Variants in PTPRS observed in about 807,000 individuals in gnomAD.
PTPRS encodes the protein receptor-type tyrosine-protein phosphatase S.
Under a neutral mutation model 215.3 loss-of-function variants are expected in PTPRS, and 63 were observed. The ratio of observed to expected loss-of-function variants is 0.29; its 90% CI spans 0.24 to 0.36. The LOEUF is 0.36. Among genes scored for constraint, PTPRS ranks in the 10% least tolerant of loss-of-function variants. PTPRS has a pLI of 1.00. For missense variants in PTPRS, 2,258 were observed against 2,825.8 expected (o/e 0.80, Z 4.56); for synonymous variants, 1,404 against 1,191.4 (o/e 1.18, Z -3.68).
At chr19:5,243,433 G>A (rs945973691) in intron 11 of PTPRS, among the ~76,000 whole-genome samples, 1 of 151,994 alleles carries the variant, frequency 6.6e-6, no homozygotes, top group Non-Finnish European at 1.5e-5. Context: ...ACCGCCTCCG[G>A]CCTAGCTCCC....
intron 4 of PTPRS, among the ~76,000 whole-genome samples, chr19:5,271,755 G>A (rs1189027388): frequency 2.0e-5 from 3 of 150,710 alleles, no homozygotes; most frequent in Non-Finnish European, 2.9e-5. Context: ...ACAGAGTTTC[G>A]CTCTTGTCGC....
At chr19:5,219,222 A>T in intron 23 of PTPRS, 88 bp downstream of exon 23, 1 of 1,526,782 alleles carries the variant, frequency 6.5e-7, no homozygotes, top group Non-Finnish European at 9.0e-7. Flanking sequence ...AGAGACCTTT[A>T]GTGATGATTC....
chr19:5,214,881 C>A (rs2041274448), intron 28 of PTPRS, 145 bp from the exon 29 acceptor site: 2 of 907,714 alleles, frequency 2.2e-6, no homozygotes. Context: ...CACAGTTTCT[C>A]CCCCTCAGCG....
intron 1 of PTPRS, among the ~76,000 whole-genome samples, chr19:5,306,184 A>T (rs988866542): frequency 2.0e-5 from 3 of 147,572 alleles, no homozygotes; most frequent in Non-Finnish European, 4.5e-5. Context: ...TCACTCTGTC[A>T]CCCAGGCTGG....
chr19:5,323,449 G>A (rs541225382), intron 1 of PTPRS, among the ~76,000 whole-genome samples: 142 of 152,376 alleles, frequency 9.3e-4, no homozygotes, highest in Middle Eastern at 6.8e-3. Flanking sequence ...AAACTAGGTG[G>A]TGGGGCAGGC....
rs567584708 is a variant in PTPRS, at chr19:5,280,445, G to A, written c.91+5605C>T. 4.6e-5 allele frequency among the ~76,000 whole-genome samples: 7 copies of A among 152,296 alleles called. No individual in the cohort carries two copies. The South Asian group carries it at 6.2e-4, about 14-fold the overall frequency. ...CAAAAGTCACTAGACCTGGCCGGGCGTGGTGGCTCATGCCTGTAATCCCAG... is the reference window on the plus strand; with the variant it reads ...CAAAAGTCACTAGACCTGGCCGGGCATGGTGGCTCATGCCTGTAATCCCAG... On this transcript the variant is annotated intron_variant, in intron 2 of 37. Transcript: ENST00000262963.
Position 5,265,129 on chromosome 19 carries a change from T to C in PTPRS, c.447A>G (p.Thr149=), listed in dbSNP as rs1599791229. ...MGPQLKVVER[T]RTATMLCAAS... The stretch of plus-strand genomic sequence containing the variant: ...CTGCACAGAGCATGGTGGCTGTCCG[T>C]GTCCGCTCCACCACCTTCAACTGTG... The change falls in exon 5 of 38, where the codon ACA becomes ACG. Residue 149 remains threonine, a synonymous_variant. Coordinates refer to ENST00000262963, the MANE Select transcript of PTPRS (RefSeq NM_002850.4). 3.1e-6 allele frequency: 5 copies of C among 1,614,192 alleles called. No individual in the cohort carries two copies. In the East Asian group the frequency reaches 6.7e-5, roughly 22 times the overall value.
chr19:5,267,404 C>T (rs1373171322), intron 4 of PTPRS, among the ~76,000 whole-genome samples: 2 of 152,132 alleles, frequency 1.3e-5, no homozygotes, highest in Admixed American at 6.6e-5. Context: ...CACCTGTAAT[C>T]CCAGCACTTT....
intron 13 of PTPRS, among the ~76,000 whole-genome samples, chr19:5,236,163 G>A (rs1599583878): frequency 6.6e-6 from 1 of 152,174 alleles, no homozygotes; most frequent in Non-Finnish European, 1.5e-5. Context: ...CACTGGTTGT[G>A]TACCGACTGT....
At chr19:5,252,515 T>C (rs1033261742) in intron 9 of PTPRS, among the ~76,000 whole-genome samples, 3 of 143,560 alleles carry the variant, frequency 2.1e-5, no homozygotes, top group African/African-American at 5.3e-5. Flanking sequence ...AGGCGGAGGT[T>C]GCAGTGAGCC....
chr19:5,303,024 G>A (rs778785263), intron 1 of PTPRS, among the ~76,000 whole-genome samples: 5 of 151,924 alleles, frequency 3.3e-5, no homozygotes, highest in Admixed American at 6.6e-5. Context: ...GAGCCGAGAT[G>A]GCACCACTGC....
At chr19:5,275,427 C>T (rs1167325159) in intron 2 of PTPRS, among the ~76,000 whole-genome samples, 3 of 151,806 alleles carry the variant, frequency 2.0e-5, no homozygotes, top group Non-Finnish European at 4.4e-5. Flanking sequence ...CACTCTGTCA[C>T]CCAGGCTGGA....
rs1015406064 is a variant in PTPRS, at chr19:5,257,053, A to G, written c.707-934T>C. ...CATCCTGGCAGAAGCTGTTTCTACC[A>G]CAAATCTGATCAGAAACAGCGACTA... On this transcript the variant is annotated intron_variant, in intron 8 of 37. Coordinates refer to ENST00000262963, the MANE Select transcript of PTPRS (RefSeq NM_002850.4). The surrounding 1 kb of genome is among the most constrained non-coding windows in gnomAD (Gnocchi z 4.4). Among the ~76,000 whole-genome samples the G allele has an allele frequency of 4.0e-5, 6 of 151,472 alleles. No homozygotes were observed. Among genetic ancestry groups the G allele is most frequent in the Non-Finnish European group, 8.8e-5 (6 of 67,896 alleles).
chr19:5,222,431 G>A (rs577349276), intron 18 of PTPRS, among the ~76,000 whole-genome samples: 9 of 150,398 alleles, frequency 6.0e-5, no homozygotes, highest in Middle Eastern at 3.4e-3. Context: ...CGGGTGCAGA[G>A]GCTGCAGAAA....
chr19:5,278,716 C>A (rs932092576), intron 2 of PTPRS, among the ~76,000 whole-genome samples: 2 of 151,876 alleles, frequency 1.3e-5, no homozygotes, highest in Admixed American at 1.3e-4. Flanking sequence ...CTCAGGTGAT[C>A]CAACCACCTC....
At chr19:5,279,930 A>C (rs1339571870) in intron 2 of PTPRS, among the ~76,000 whole-genome samples, 1 of 151,950 alleles carries the variant, frequency 6.6e-6, no homozygotes, top group African/African-American at 2.4e-5. Context: ...TGATCCACCC[A>C]CCTTGGCCTC....
Position 5,221,205 on chromosome 19 carries a change from T to G in PTPRS, c.3250A>C (p.Lys1084Gln), listed in dbSNP as rs2041946918. Residue 1084 changes from lysine to glutamine, a missense_variant, in exon 20 of 38, where the codon AAG becomes CAG. Coordinates refer to ENST00000262963, the MANE Select transcript of PTPRS (RefSeq NM_002850.4). ...TGGGGCTTGAGGTGCGTGATGAGCT[T>G]CTTGGTGGTACGGCCATCCACATCC... ...TLDVDGRTTKKLITHLKPHTF... is the reference protein window; with the variant it reads ...TLDVDGRTTKQLITHLKPHTF... 8 of 1,613,864 alleles carry G rather than the reference T, an allele frequency of 5.0e-6. No homozygotes were observed. Among genetic ancestry groups the G allele is most frequent in the African/African-American group, 1.3e-5 (1 of 74,946 alleles).
chr19:5,265,241 G>A, intron 4 of PTPRS, 45 bp from the exon 5 acceptor site: 4 of 1,550,290 alleles, frequency 2.6e-6, no homozygotes, highest in Non-Finnish European at 3.5e-6. Context: ...TCTGAGCACT[G>A]CACAGCCACT....
rs1035007858 is a variant in PTPRS at position 5,339,942 on chromosome 19, G to C, written c.-95+722C>G. The stretch of plus-strand genomic sequence containing the variant: ...GCTGGGGGCTGAGGCTCGCCCCTGG[G>C]TGGGGAGGCTGGAAGGGGGCGCCGA... On this transcript the variant is annotated intron_variant, in intron 1 of 37. Coordinates refer to ENST00000262963, the MANE Select transcript of PTPRS (RefSeq NM_002850.4). This position sits in a 1 kb window ranked among gnomAD's most constrained non-coding sequence, Gnocchi z 4.2. 3.9e-5 allele frequency among the ~76,000 whole-genome samples: 6 copies of C among 151,924 alleles called. No homozygotes were observed. Among genetic ancestry groups the C allele is most frequent in the African/African-American group, 7.2e-5 (3 of 41,402 alleles).
Sources: allele counts gnomAD v4.1 joint callset (sites outside exome capture counted in the v4.1 genomes callset), GRCh38; gene constraint gnomAD v4.1.1; non-coding constraint Gnocchi (gnomAD v3.1); transcripts MANE v1.5; gene names NCBI Gene and HGNC (gene_info 2026-07-23, HGNC 2026-07-21).